The following CEP112 variants were observed in gnomAD, a reference collection of about 807,000 sequenced individuals.
CEP112 encodes centrosomal protein 112.
A neutral mutation model predicts 153.0 loss-of-function variants in CEP112; 127 were observed. That is an observed-to-expected ratio of 0.83 (90% CI 0.72 to 0.96). The LOEUF is 0.96. Ranked by LOEUF, CEP112 falls within the 40% of genes least tolerant of loss-of-function variation. CEP112 has a pLI of 0.00. For missense variants in CEP112, 1,089 were observed against 1,101.2 expected (o/e 0.99, Z 0.16); for synonymous variants, 358 against 374.4 (o/e 0.96, Z 0.51).
At chr17:65,697,698 A>G (rs1567878921) in intron 23 of CEP112, among the ~76,000 whole-genome samples, 1 of 152,164 alleles carries the variant, frequency 6.6e-6, no homozygotes, top group Non-Finnish European at 1.5e-5. Flanking sequence ...AGGCCACTAT[A>G]GTTTCTGTTT....
chr17:65,743,267 T>C, intron 22 of CEP112, 50 bp from the exon 23 acceptor site: 1 of 1,467,670 alleles, frequency 6.8e-7, no homozygotes, highest in African/African-American at 1.4e-5. Context: ...GGGAGAGGCA[T>C]CTATTTTATA....
chr17:65,650,738 A>AAAT (rs1567810609), intron 24 of CEP112, among the ~76,000 whole-genome samples: 9 of 149,464 alleles, frequency 6.0e-5, no homozygotes, highest in African/African-American at 2.2e-4. Context: ...ACTAAAAAAA[A>AAAT]AAAAAAAAAA....
chr17:65,782,939 C>G (rs924249859), intron 21 of CEP112, among the ~76,000 whole-genome samples: 1 of 151,490 alleles, frequency 6.6e-6, no homozygotes, highest in African/African-American at 2.4e-5. Context: ...GGTAACAAAC[C>G]TGTACCTGTA....
At chr17:66,004,526 A>G (rs1465745894) in intron 17 of CEP112, among the ~76,000 whole-genome samples, 3 of 152,158 alleles carry the variant, frequency 2.0e-5, no homozygotes, top group African/African-American at 7.2e-5. Context: ...GTTTTGTTCA[A>G]TATTTATTTG....
chr17:65,806,819 A>G (rs1329004760), intron 21 of CEP112, among the ~76,000 whole-genome samples: 15 of 152,206 alleles, frequency 9.9e-5, no homozygotes, highest in Admixed American at 9.2e-4. Flanking sequence ...TCTTTTCTTC[A>G]TAAATTACCC....
intron 11 of CEP112, among the ~76,000 whole-genome samples, chr17:66,060,160 T>C (rs1428459755): frequency 6.6e-6 from 1 of 152,090 alleles, no homozygotes; most frequent in African/African-American, 2.4e-5. Context: ...GGACAAAGGC[T>C]GAAAAACTAC....
At chr17:65,971,322 TA>T (rs1259858780) in intron 17 of CEP112, among the ~76,000 whole-genome samples, 1 of 149,274 alleles carries the variant, frequency 6.7e-6, no homozygotes, top group Non-Finnish European at 1.5e-5. Flanking sequence ...TTACAAGTCT[TA>T]AAAATATATT....
At chr17:65,921,306 A>G in intron 19 of CEP112, among the ~76,000 whole-genome samples, 1 of 152,078 alleles carries the variant, frequency 6.6e-6, no homozygotes, top group East Asian at 1.9e-4. Context: ...TTCTTAGTGT[A>G]CTCATGCTGG....
intron 6 of CEP112, among the ~76,000 whole-genome samples, chr17:66,099,817 A>G (rs2068493434): frequency 6.6e-6 from 1 of 152,172 alleles, no homozygotes; most frequent in Admixed American, 6.5e-5. Context: ...AAATACAGGA[A>G]AACAGTAATA....
At chr17:65,777,022 G>A (rs1056648675) in intron 21 of CEP112, among the ~76,000 whole-genome samples, 2 of 152,074 alleles carry the variant, frequency 1.3e-5, no homozygotes, top group African/African-American at 2.4e-5. Context: ...ATTTTTGGTT[G>A]GGCATCTGCT....
At chr17:65,714,509 C>A (rs1258384330) in intron 23 of CEP112, among the ~76,000 whole-genome samples, 2 of 152,058 alleles carry the variant, frequency 1.3e-5, no homozygotes, top group Admixed American at 6.5e-5. Context: ...TGTCACCTTA[C>A]TGTCAGTTCA....
chr17:65,718,809 T>A (rs2049700100), intron 23 of CEP112, among the ~76,000 whole-genome samples: 1 of 152,182 alleles, frequency 6.6e-6, no homozygotes. Flanking sequence ...CAGAAAGTGT[T>A]CTTATCTTGG....
rs1284873339 is a variant in CEP112 at position 65,816,604 on chromosome 17, T to G, written c.2394+35200A>C. Among the ~76,000 whole-genome samples the G allele has an allele frequency of 7.2e-4, 109 of 152,012 alleles. 1 individual carries two copies. Among genetic ancestry groups the G allele is most frequent in the Non-Finnish European group, 1.3e-4 (9 of 67,904 alleles). ...TCTTAATATAGTGAATTACATTGAT[T>G]TTTTAAAAATTTTGAACCAACTCTG... On this transcript the variant is annotated intron_variant, in intron 21 of 26. Coordinates refer to ENST00000535342, the MANE Select transcript of CEP112 (RefSeq NM_001199165.4).
intron 8 of CEP112, among the ~76,000 whole-genome samples, chr17:66,092,377 A>ACACACACACG (rs2068175687): frequency 6.6e-6 from 1 of 151,196 alleles, no homozygotes; most frequent in East Asian, 1.9e-4. Flanking sequence ...ACACACACAC[A>ACACACACACG]CACACACACA....
At chr17:66,047,278 G>A (rs1421907604) in intron 12 of CEP112, among the ~76,000 whole-genome samples, 12 of 152,024 alleles carry the variant, frequency 7.9e-5, no homozygotes, top group Admixed American at 4.6e-4. Context: ...CACCATGCCC[G>A]GCTAATTTTT....
At chr17:65,889,466 C>T (rs546102946) in intron 20 of CEP112, among the ~76,000 whole-genome samples, 1 of 152,248 alleles carries the variant, frequency 6.6e-6, no homozygotes, top group Non-Finnish European at 1.5e-5. Context: ...TTACTTTTTT[C>T]CTGGCTCATG....
rs564165959 is a variant in CEP112, at chr17:66,072,253, A to C, written c.769-2252T>G. ...TAGAACAAGAACACTGTCTTTGATA[A>C]CCAAAGCGTGGTTATCAAATTGAGG... On this transcript the variant is annotated intron_variant, in intron 8 of 26. Transcript: ENST00000535342. 3.3e-5 allele frequency among the ~76,000 whole-genome samples: 5 copies of C among 152,268 alleles called. No homozygotes were observed. In the South Asian group the frequency reaches 6.2e-4, roughly 19 times the overall value.
At chr17:66,025,117 C>T (rs1052552330) in intron 16 of CEP112, among the ~76,000 whole-genome samples, 1 of 151,976 alleles carries the variant, frequency 6.6e-6, no homozygotes, top group Non-Finnish European at 1.5e-5. Flanking sequence ...CCCTCTCTCA[C>T]CATATATAAA....
chr17:65,935,612 A>G (rs988277823), intron 18 of CEP112, among the ~76,000 whole-genome samples: 1 of 152,166 alleles, frequency 6.6e-6, no homozygotes, highest in Non-Finnish European at 1.5e-5. Context: ...AATTAACAGG[A>G]GAAACCTTGG....
Sources: gnomAD v4.1 joint callset for allele counts (sites outside exome capture counted in the v4.1 genomes callset) on GRCh38, gnomAD v4.1.1 for gene constraint, MANE v1.5 for transcripts, NCBI Gene and HGNC (gene_info 2026-07-23, HGNC 2026-07-21) for gene names.